The following MSH3 variants were observed in gnomAD, a reference collection of about 807,000 sequenced individuals.
MSH3 encodes DNA mismatch repair protein Msh3.
Under a neutral mutation model 123.3 loss-of-function variants are expected in MSH3, and 106 were observed. The ratio of observed to expected loss-of-function variants is 0.86; its 90% CI spans 0.73 to 1.01. The LOEUF (loss-of-function observed/expected upper bound fraction) is 1.01. Among genes scored for constraint, MSH3 ranks in the 50% least tolerant of loss-of-function variants. MSH3 has a pLI of 0.00. For missense variants in MSH3, 1,459 were observed against 1,347.6 expected, an observed-to-expected ratio of 1.08 and a Z score of -1.29; for synonymous variants, 515 against 481.4, an observed-to-expected ratio of 1.07 and a Z score of -0.91.
At chr5:80,824,272 G>A (rs1033886355) in intron 20 of MSH3, among the ~76,000 whole-genome samples, 7 of 152,124 alleles carry the variant, frequency 4.6e-5, no homozygotes, top group Middle Eastern at 3.4e-3. Flanking sequence ...AGGGGCGGCC[G>A]GGCAGAGGCG....
chr5:80,819,388 GTATATATGTGTATATATGTGTGTATATA>G (rs1357587852), intron 20 of MSH3, among the ~76,000 whole-genome samples: 4 of 147,242 alleles, frequency 2.7e-5, no homozygotes, highest in African/African-American at 7.5e-5. Flanking sequence ...GTGTATATAT[GTATATATGTGTATATATGTGTGTATATA>G]TGTATATATG....
intron 8 of MSH3, among the ~76,000 whole-genome samples, chr5:80,698,972 A>T (rs969222296): frequency 1.3e-5 from 2 of 149,938 alleles, no homozygotes; most frequent in African/African-American, 2.4e-5. Context: ...AATAAATAAA[A>T]AATAAAAAGA....
At position 80,761,682 on chromosome 5, in the gene MSH3, AGT is replaced by A. The variant is rs2112880098; in HGVS notation, c.1896+8_1896+9del. 1.9e-6 allele frequency: 3 copies of A among 1,614,142 alleles called. No homozygotes were observed. Among genetic ancestry groups the A allele is most frequent in the Non-Finnish European group, 2.5e-6 (3 of 1,180,000 alleles). ...CTGTAGCATTTATCACAAAAAAGTA[AGT>A]GTGATAGAAATCTATTAAAGCTGAC... On this transcript the variant is annotated splice_donor_5th_base_variant and intron_variant, in intron 13 of 23. Coordinates refer to ENST00000265081, the MANE Select transcript of MSH3 (RefSeq NM_002439.5).
intron 21 of MSH3, among the ~76,000 whole-genome samples, chr5:80,857,721 C>T (rs184817170): frequency 5.9e-5 from 9 of 152,252 alleles, no homozygotes; most frequent in African/African-American, 1.7e-4. Flanking sequence ...TATTTGTCCA[C>T]GGCATCCGTA....
rs1745875976 is a variant in MSH3, at chr5:80,854,131, A to G, written c.2815A>G (p.Met939Val). ...IGIVDGIFTR[M>V]GAADNIYKGQ... The stretch of plus-strand genomic sequence containing the variant: ...AAGGTGTTTTCATCTTGCTTGTAGG[A>G]TGGGTGCTGCAGACAATATATATAA... The change falls in exon 21 of 24, where the codon ATG (methionine) becomes GTG (valine). Residue 939 changes from methionine to valine, a missense_variant and splice_region_variant. By Grantham distance (21) the Met-to-Val change is conservative. Transcript: ENST00000265081. The G allele has an allele frequency of 6.2e-7, 1 of 1,612,900 alleles. No homozygotes were observed.
chr5:80,819,258 C>T (rs1745158451), intron 20 of MSH3, among the ~76,000 whole-genome samples: 1 of 150,606 alleles, frequency 6.6e-6, no homozygotes, highest in Non-Finnish European at 1.5e-5. Context: ...TAACATTGGC[C>T]CAATAATGAG....
chr5:80,709,175 G>A (rs756702334), intron 8 of MSH3, among the ~76,000 whole-genome samples: 51 of 151,404 alleles, frequency 3.4e-4, no homozygotes, highest in Non-Finnish European at 6.9e-4. Context: ...TTCTTCCTTA[G>A]TAGACCCACA....
At chr5:80,681,527 T>C (rs961692563) in intron 8 of MSH3, among the ~76,000 whole-genome samples, 2 of 151,768 alleles carry the variant, frequency 1.3e-5, no homozygotes, top group Non-Finnish European at 1.5e-5. Context: ...ACTGAAAAAA[T>C]GAATATAGAA....
intron 13 of MSH3, among the ~76,000 whole-genome samples, chr5:80,762,447 A>G (rs187671143): frequency 1.3e-5 from 2 of 151,830 alleles, no homozygotes; most frequent in African/African-American, 4.8e-5. Context: ...ATATATATGT[A>G]TATATATAAA....
chr5:80,775,713 A>AAT lies in MSH3; in HGVS notation c.2273_2274insAT (p.Asn758LysfsTer13), dbSNP rs747691374. On this transcript the variant is annotated frameshift_variant, in exon 16 of 24. Transcript: ENST00000265081. LOFTEE classifies it high-confidence loss of function. ...TTTTAGTTTATGATAGAAATAAAGA[A>AAT]CTCTGCTGTATCTTGTATACCAACT... 1 of 1,577,504 alleles carries AAT rather than the reference A, an allele frequency of 6.3e-7. No homozygotes were observed. Among genetic ancestry groups the AAT allele is most frequent in the Non-Finnish European group, 8.7e-7 (1 of 1,147,130 alleles).
intron 6 of MSH3, 66 bp from the exon 7 acceptor site, chr5:80,674,917 A>T: frequency 7.8e-7 from 1 of 1,288,854 alleles, no homozygotes; most frequent in South Asian, 1.3e-5. Flanking sequence ...AGTTAATATT[A>T]TTGGAAATTT....
In MSH3 at chr5:80,806,921, G is replaced by T. The variant is rs543602036; in HGVS notation, c.2656-6663G>T. Among the ~76,000 whole-genome samples the T allele has an allele frequency of 5.9e-5, 9 of 152,178 alleles. No individual in the cohort carries two copies. The East Asian group carries it at 1.7e-3, about 29-fold the overall frequency. On this transcript the variant is annotated intron_variant, in intron 19 of 23. Coordinates refer to ENST00000265081, the MANE Select transcript of MSH3 (RefSeq NM_002439.5). ...TATCAATACGTTCTTGGAAACTGCT[G>T]GCTGGGTATGGAGGCTTACATCTGT...
intron 8 of MSH3, among the ~76,000 whole-genome samples, chr5:80,708,505 T>C (rs1219618472): frequency 6.6e-6 from 1 of 152,112 alleles, no homozygotes; most frequent in African/African-American, 2.4e-5. Context: ...TCGCCCAGGC[T>C]GGAGTGCATT....
At chr5:80,870,615 G>A (rs1746196409) in intron 22 of MSH3, among the ~76,000 whole-genome samples, 2 of 152,154 alleles carry the variant, frequency 1.3e-5, no homozygotes, top group Non-Finnish European at 2.9e-5. Flanking sequence ...GCCTTGCAAC[G>A]GAAGTTTAGG....
intron 2 of MSH3, among the ~76,000 whole-genome samples, chr5:80,662,149 C>T (rs1273415636): frequency 6.6e-6 from 1 of 152,180 alleles, no homozygotes; most frequent in East Asian, 1.9e-4. Flanking sequence ...TTTAGATACA[C>T]AGATACTTAC....
In MSH3 at chr5:80,768,027, A is replaced by G. The variant is rs1744152025; in HGVS notation, c.1991A>G (p.Gln664Arg). Residue 664 changes from glutamine (Q) to arginine (R), a missense_variant, in exon 14 of 24, where the codon CAG becomes CGG. Gln to Arg is a conservative substitution (Grantham distance 43). Transcript: ENST00000265081. Reference sequence around the variant, plus strand: ...ATACCTGCTGTTAATTCCCACATTCAGTCAGACTTGCTCCGGACCGTTATT... The same window carrying G: ...ATACCTGCTGTTAATTCCCACATTCGGTCAGACTTGCTCCGGACCGTTATT... ...AIIPAVNSHI[Q>R]SDLLRTVILE... is the part of the protein sequence containing the mutation. 4 of 1,613,630 alleles carry G rather than the reference A, an allele frequency of 2.5e-6. No homozygotes were observed. Among genetic ancestry groups the G allele is most frequent in the Admixed American group, 1.7e-5 (1 of 59,998 alleles).
intron 10 of MSH3, among the ~76,000 whole-genome samples, chr5:80,732,064 G>T (rs79226381): frequency 6.6e-6 from 1 of 152,158 alleles, no homozygotes; most frequent in Non-Finnish European, 1.5e-5. Context: ...TCTTAAGGAT[G>T]ATTTAAGTGA....
chr5:80,858,944 C>A (rs1354017241), intron 21 of MSH3, among the ~76,000 whole-genome samples: 1 of 151,960 alleles, frequency 6.6e-6, no homozygotes, highest in African/African-American at 2.4e-5. Context: ...GACATAATAT[C>A]CTTTATCATT....
At chr5:80,717,288 G>A (rs1750982221) in intron 8 of MSH3, among the ~76,000 whole-genome samples, 1 of 152,136 alleles carries the variant, frequency 6.6e-6, no homozygotes, top group African/African-American at 2.4e-5. Flanking sequence ...TTTTAAGAGA[G>A]GGTGTCTTGC....
Sources: gnomAD v4.1 joint callset for allele counts (sites outside exome capture counted in the v4.1 genomes callset) on GRCh38, gnomAD v4.1.1 for gene constraint, MANE v1.5 for transcripts, NCBI Gene and HGNC (gene_info 2026-07-23, HGNC 2026-07-21) for gene names.